Variants in C3orf20 observed in about 807,000 individuals in gnomAD.
C3orf20 encodes uncharacterized protein C3orf20.
In C3orf20, 76 loss-of-function variants were observed where a neutral mutation model predicts 88.3. The observed-to-expected ratio is 0.86, with a 90% CI of 0.72 to 1.04. The LOEUF (loss-of-function observed/expected upper bound fraction) is 1.04, where lower values mean the gene tolerates loss of function less well. Ranked by LOEUF, C3orf20 falls within the 50% of genes least tolerant of loss-of-function variation. The probability of loss-of-function intolerance (pLI) is 0.00; values close to 1 mark genes in which losing one functional copy is unlikely to be tolerated. For synonymous variants in C3orf20, 436 were observed against 437.4 expected (o/e 1.00, Z 0.04); for missense variants, 1,056 against 1,123.3 (o/e 0.94, Z 0.86).
intron 12 of C3orf20, among the ~76,000 whole-genome samples, chr3:14,738,538 A>G (rs1433564664): frequency 6.7e-5 from 10 of 149,756 alleles, no homozygotes; most frequent in South Asian, 6.4e-4. Context: ...TCACCATGTT[A>G]GCTAGGATGG....
intron 12 of C3orf20, among the ~76,000 whole-genome samples, chr3:14,732,907 GTT>G (rs1274006237): frequency 3.9e-5 from 6 of 152,114 alleles, no homozygotes; most frequent in African/African-American, 1.4e-4. Context: ...AAGTTTGTTT[GTT>G]TTACATATGG....
At chr3:14,715,440 G>A in intron 9 of C3orf20, 31 bp downstream of exon 9, 1 of 1,598,754 alleles carries the variant, frequency 6.3e-7, no homozygotes, top group Non-Finnish European at 8.5e-7. Context: ...TTGGGTGGCA[G>A]TGAGCACCAC....
intron 15 of C3orf20, among the ~76,000 whole-genome samples, chr3:14,769,577 A>G (rs2125047527): frequency 1.3e-5 from 2 of 152,298 alleles, no homozygotes; most frequent in South Asian, 4.1e-4. Flanking sequence ...TGGGGAGGGC[A>G]CAGGGTGAGG....
chr3:14,697,927 A>G (rs2033081096), intron 5 of C3orf20, among the ~76,000 whole-genome samples: 1 of 152,114 alleles, frequency 6.6e-6, no homozygotes, highest in East Asian at 1.9e-4. Context: ...CATGATGTAT[A>G]TGTGCCACAT....
intron 15 of C3orf20, among the ~76,000 whole-genome samples, chr3:14,763,021 G>A (rs1265765787): frequency 6.6e-6 from 1 of 152,190 alleles, no homozygotes; most frequent in Non-Finnish European, 1.5e-5. Flanking sequence ...AGACCCCACT[G>A]CCTGAGACTT....
At chr3:14,714,210 T>A (rs886611972) in intron 8 of C3orf20, 51 bp downstream of exon 8, 1 of 1,595,308 alleles carries the variant, frequency 6.3e-7, no homozygotes. Flanking sequence ...CTGAGGGTGA[T>A]GGAGGGAGGA....
intron 12 of C3orf20, among the ~76,000 whole-genome samples, chr3:14,755,162 G>C (rs1359645082): frequency 6.6e-6 from 1 of 151,902 alleles, no homozygotes; most frequent in African/African-American, 2.4e-5. Context: ...ATTGGCCACT[G>C]TTCTATGGCA....
intron 7 of C3orf20, among the ~76,000 whole-genome samples, chr3:14,708,249 G>A (rs1459645886): frequency 6.6e-6 from 1 of 152,144 alleles, no homozygotes; most frequent in Non-Finnish European, 1.5e-5. Flanking sequence ...ATAGCTAATT[G>A]TCCCAGTACC....
At chr3:14,767,989 C>A (rs2035763169) in intron 15 of C3orf20, among the ~76,000 whole-genome samples, 1 of 152,242 alleles carries the variant, frequency 6.6e-6, no homozygotes, top group Admixed American at 6.5e-5. Context: ...TGGAATGAGA[C>A]CTGATAAAGA....
chr3:14,676,238 G>C (rs2031764787), intron 1 of C3orf20, among the ~76,000 whole-genome samples: 1 of 150,638 alleles, frequency 6.6e-6, no homozygotes, highest in African/African-American at 2.4e-5. Context: ...AAAAATACAA[G>C]AGTGGACCTT....
intron 15 of C3orf20, 132 bp downstream of exon 15, chr3:14,761,747 G>A: frequency 2.5e-6 from 2 of 799,722 alleles, no homozygotes; most frequent in Non-Finnish European, 3.9e-6. Flanking sequence ...AGGGGGGCTG[G>A]AGGTGGGAAG....
intron 12 of C3orf20, among the ~76,000 whole-genome samples, chr3:14,751,391 G>A (rs560497769): frequency 1.1e-4 from 17 of 152,178 alleles, no homozygotes; most frequent in African/African-American, 1.7e-4. Context: ...TGCAGCCCCC[G>A]GAGGGCAAGC....
chr3:14,755,815 G>T (rs936432623), intron 12 of C3orf20, among the ~76,000 whole-genome samples: 10 of 152,062 alleles, frequency 6.6e-5, no homozygotes, highest in Non-Finnish European at 1.3e-4. Context: ...AGATCACGAG[G>T]TCAGGAGATC....
At chr3:14,683,270 A>G in intron 3 of C3orf20, 73 bp downstream of exon 3, 1 of 1,497,828 alleles carries the variant, frequency 6.7e-7, no homozygotes, top group South Asian at 1.4e-5. Flanking sequence ...ACATGCTGGG[A>G]ACAGGTGGCA....
At chr3:14,723,058 A>G (rs2034223292) in intron 10 of C3orf20, among the ~76,000 whole-genome samples, 1 of 152,262 alleles carries the variant, frequency 6.6e-6, no homozygotes, top group Non-Finnish European at 1.5e-5. Context: ...GTTTGCCCAG[A>G]GCCAGTCCCA....
intron 10 of C3orf20, among the ~76,000 whole-genome samples, chr3:14,726,358 G>A (rs2034345086): frequency 6.6e-6 from 1 of 152,264 alleles, no homozygotes. Flanking sequence ...AATGTCAGCA[G>A]CCACTGTTTT....
At chr3:14,741,702 C>T (rs1006969383) in intron 12 of C3orf20, among the ~76,000 whole-genome samples, 3 of 152,178 alleles carry the variant, frequency 2.0e-5, no homozygotes, top group Non-Finnish European at 2.9e-5. Context: ...AGAGGTGTTA[C>T]AGCTCTGGCG....
chr3:14,703,410 A>G, intron 6 of C3orf20, 148 bp downstream of exon 6: 1 of 1,286,992 alleles, frequency 7.8e-7, no homozygotes, highest in Non-Finnish European at 1.1e-6. Flanking sequence ...GGTACTCCCC[A>G]CGACAGCCAC....
intron 12 of C3orf20, among the ~76,000 whole-genome samples, chr3:14,738,821 T>G (rs912985926): frequency 6.1e-5 from 9 of 146,394 alleles, no homozygotes; most frequent in East Asian, 2.0e-4. Flanking sequence ...TTTTGTTTTT[T>G]TTTTTTTTTT....
Sources: gnomAD v4.1 joint callset for allele counts (sites outside exome capture counted in the v4.1 genomes callset) on GRCh38, gnomAD v4.1.1 for gene constraint, MANE v1.5 for transcripts, NCBI Gene and HGNC (gene_info 2026-07-23, HGNC 2026-07-21) for gene names.